Variants in RIT2 observed in about 807,000 individuals in gnomAD.
The protein encoded by RIT2 is GTP-binding protein Rit2.
Under a neutral mutation model 23.7 loss-of-function variants are expected in RIT2, and 24 were observed. The observed-to-expected ratio is 1.01, with a 90% CI of 0.73 to 1.43. RIT2 has a LOEUF of 1.43. Among genes scored for constraint, RIT2 ranks in the 40% most tolerant of loss-of-function variants. The pLI is 0.00. For synonymous variants in RIT2, 107 were observed against 91.1 expected (o/e 1.17, Z -0.99); for missense variants, 236 against 266.9 (o/e 0.88, Z 0.81).
intron 1 of RIT2, among the ~76,000 whole-genome samples, chr18:43,076,899 C>G (rs1396935215): frequency 6.6e-5 from 10 of 151,548 alleles, no homozygotes; most frequent in Non-Finnish European, 1.2e-4. Context: ...GTCAGGAGAT[C>G]GAGACCATCC....
intron 4 of RIT2, among the ~76,000 whole-genome samples, chr18:42,857,465 CT>C (rs2144044881): frequency 1.3e-5 from 2 of 152,264 alleles, no homozygotes; most frequent in Non-Finnish European, 2.9e-5. Flanking sequence ...CTGACCTAGT[CT>C]AACAGATCCT....
At chr18:43,071,006 C>T (rs763605861) in intron 1 of RIT2, among the ~76,000 whole-genome samples, 12 of 151,936 alleles carry the variant, frequency 7.9e-5, no homozygotes, top group Non-Finnish European at 1.6e-4. Flanking sequence ...AATATAGGAA[C>T]AAAAAAAGAA....
intron 4 of RIT2, among the ~76,000 whole-genome samples, chr18:42,803,619 G>A (rs2143965338): frequency 6.6e-6 from 1 of 152,204 alleles, no homozygotes; most frequent in Admixed American, 6.5e-5. Flanking sequence ...TAGGATGCAG[G>A]GGTTTCCTTG....
At chr18:42,927,135 G>A (rs1310875345) in intron 3 of RIT2, among the ~76,000 whole-genome samples, 3 of 151,894 alleles carry the variant, frequency 2.0e-5, no homozygotes, top group Non-Finnish European at 4.4e-5. Flanking sequence ...CTTTCACTGG[G>A]AGAACAGGCA....
At chr18:42,745,697 T>A (rs1201191809) in intron 4 of RIT2, among the ~76,000 whole-genome samples, 1 of 152,150 alleles carries the variant, frequency 6.6e-6, no homozygotes, top group Non-Finnish European at 1.5e-5. Context: ...TGCCAGCAAT[T>A]GAGCAAAGTT....
At chr18:42,883,839 T>C (rs1907954586) in intron 4 of RIT2, among the ~76,000 whole-genome samples, 1 of 152,170 alleles carries the variant, frequency 6.6e-6, no homozygotes, top group South Asian at 2.1e-4. Context: ...ACTATTATTA[T>C]TTTCTGATTA....
At chr18:42,942,021 C>T (rs1909614757) in intron 3 of RIT2, among the ~76,000 whole-genome samples, 1 of 151,760 alleles carries the variant, frequency 6.6e-6, no homozygotes, top group Admixed American at 6.6e-5. Flanking sequence ...GATTATTTTA[C>T]TGGTATTCAA....
intron 3 of RIT2, among the ~76,000 whole-genome samples, chr18:42,935,351 G>A (rs1194451649): frequency 6.6e-6 from 1 of 152,120 alleles, no homozygotes; most frequent in African/African-American, 2.4e-5. Flanking sequence ...TAGGAAATGT[G>A]CTAAGGGAAT....
chr18:42,774,944 T>C (rs1913633263), intron 4 of RIT2, among the ~76,000 whole-genome samples: 1 of 152,222 alleles, frequency 6.6e-6, no homozygotes, highest in Admixed American at 6.5e-5. Context: ...AATTGTATTA[T>C]GCTTTTGAGC....
chr18:43,104,402 T>C (rs967406443), intron 1 of RIT2, among the ~76,000 whole-genome samples: 1 of 152,102 alleles, frequency 6.6e-6, no homozygotes, highest in Non-Finnish European at 1.5e-5. Context: ...TTATTGTGTA[T>C]TTTCAAAAAG....
intron 4 of RIT2, among the ~76,000 whole-genome samples, chr18:42,804,581 A>AAAAAAAAG (rs1905628710): frequency 6.7e-6 from 1 of 148,746 alleles, no homozygotes; most frequent in African/African-American, 2.6e-5. Context: ...AAAAAAAAAA[A>AAAAAAAAG]AAAAATTGAA....
At chr18:43,082,636 T>G (rs1221015268) in intron 1 of RIT2, among the ~76,000 whole-genome samples, 1 of 152,068 alleles carries the variant, frequency 6.6e-6, no homozygotes, top group Non-Finnish European at 1.5e-5. Context: ...GCCACCTGAT[T>G]ATTTCAATAG....
chr18:42,965,710 G>GCTTT (rs1910202536), intron 3 of RIT2, among the ~76,000 whole-genome samples: 2 of 52,122 alleles, frequency 3.8e-5, no homozygotes, highest in African/African-American at 8.5e-5. Context: ...TGTACTGATG[G>GCTTT]CTTTTTTTTT....
chr18:42,793,299 G>A (rs2143949575), intron 4 of RIT2, among the ~76,000 whole-genome samples: 1 of 152,254 alleles, frequency 6.6e-6, no homozygotes, highest in East Asian at 1.9e-4. Flanking sequence ...TATACTGCCA[G>A]ACAGAAATTC....
At chr18:42,996,695 C>T (rs1024452400) in intron 2 of RIT2, among the ~76,000 whole-genome samples, 8 of 152,004 alleles carry the variant, frequency 5.3e-5, no homozygotes, top group African/African-American at 1.4e-4. Context: ...GGCCTCACCC[C>T]TATCTCCCTT....
intron 1 of RIT2, among the ~76,000 whole-genome samples, chr18:43,094,043 T>C (rs1247937651): frequency 2.0e-5 from 3 of 151,556 alleles, no homozygotes; most frequent in Admixed American, 1.3e-4. Flanking sequence ...AAAATTACTT[T>C]TAGTAAATAT....
chr18:42,891,238 T>C (rs976456524), intron 4 of RIT2, among the ~76,000 whole-genome samples: 9 of 152,110 alleles, frequency 5.9e-5, no homozygotes, highest in Non-Finnish European at 1.2e-4. Context: ...ATAACTACTG[T>C]TCTCATATTT....
chr18:43,094,076 A>G (rs8087199), intron 1 of RIT2, among the ~76,000 whole-genome samples: 73,596 of 148,812 alleles, frequency 0.49, 19,012 homozygotes, highest in Non-Finnish European at 0.58. Flanking sequence ...AATTTATGCA[A>G]AAATCCATGA....
chr18:42,786,881 G>A lies in RIT2; in HGVS notation c.427-43161C>T, dbSNP rs370626555. On this transcript the variant is annotated intron_variant, in intron 4 of 4. Transcript: ENST00000326695. ...TCCTATGTTGTTTTATCCTCATCCT[G>A]TTCAGAATTTCTACAGCTCTGATTA... Among the ~76,000 whole-genome samples the A allele has an allele frequency of 4.1e-4, 63 of 152,052 alleles. No homozygotes were observed. The South Asian group carries it at 0.013, about 31-fold the overall frequency.
Sources: allele counts gnomAD v4.1 joint callset (sites outside exome capture counted in the v4.1 genomes callset), GRCh38; gene constraint gnomAD v4.1.1; transcripts MANE v1.5; gene names NCBI Gene and HGNC (gene_info 2026-07-23, HGNC 2026-07-21).